B3GALT1: variants seen among roughly 807,000 people sequenced by gnomAD.
B3GALT1 encodes the protein beta-1,3-galactosyltransferase 1, also known as UDP-Gal:betaGlcNAc beta 1,3-galactosyltransferase, polypeptide 1.
B3GALT1 carries 10 observed loss-of-function variants against 23.2 expected under a neutral mutation model. That is an observed-to-expected ratio of 0.43 (90% CI 0.27 to 0.73). B3GALT1 has a LOEUF of 0.73. Among genes scored for constraint, B3GALT1 ranks in the 30% least tolerant of loss-of-function variants. The probability of loss-of-function intolerance (pLI) is 0.21; values close to 1 mark genes in which losing one functional copy is unlikely to be tolerated. For synonymous variants in B3GALT1, 156 were observed against 141.5 expected, an observed-to-expected ratio of 1.10 and a Z score of -0.73; for missense variants, 299 against 405.4, an observed-to-expected ratio of 0.74 and a Z score of 2.25.
chr2:167,699,894 G>A (rs62194982), intron 3 of B3GALT1, among the ~76,000 whole-genome samples: 14,184 of 152,028 alleles, frequency 0.093, 951 homozygotes, highest in East Asian at 0.26. Context: ...TGCATTTTTA[G>A]TGGAGACGGG....
intron 3 of B3GALT1, among the ~76,000 whole-genome samples, chr2:167,681,729 T>C (rs769613555): frequency 1.3e-5 from 2 of 152,214 alleles, no homozygotes; most frequent in African/African-American, 4.8e-5. Context: ...CCCATATATG[T>C]AGGGCCTATT....
intron 2 of B3GALT1, among the ~76,000 whole-genome samples, chr2:167,547,462 C>T (rs986960266): frequency 6.6e-6 from 1 of 152,028 alleles, no homozygotes; most frequent in Non-Finnish European, 1.5e-5. Flanking sequence ...TTTGGGAGGT[C>T]AAGGAGAGCG....
intron 2 of B3GALT1, among the ~76,000 whole-genome samples, chr2:167,583,253 C>A (rs1168694290): frequency 6.6e-6 from 1 of 152,132 alleles, no homozygotes; most frequent in African/African-American, 2.4e-5. Flanking sequence ...CCTTGGATGC[C>A]AGGGGCAGAC....
chr2:167,472,421 T>G (rs1175949586), intron 1 of B3GALT1, among the ~76,000 whole-genome samples: 5 of 152,092 alleles, frequency 3.3e-5, no homozygotes, highest in Admixed American at 3.3e-4. Context: ...ACCAACACCT[T>G]CCCAATTCAT....
chr2:167,346,125 T>C (rs1388700670), intron 1 of B3GALT1, among the ~76,000 whole-genome samples: 1 of 151,936 alleles, frequency 6.6e-6, no homozygotes, highest in African/African-American at 2.4e-5. Flanking sequence ...TTTTACACTT[T>C]TTTCCTAGCA....
At chr2:167,428,222 T>C (rs914163459) in intron 1 of B3GALT1, among the ~76,000 whole-genome samples, 3 of 152,204 alleles carry the variant, frequency 2.0e-5, no homozygotes, top group African/African-American at 7.2e-5. Context: ...TTAAACAGGA[T>C]CTTACCTAAC....
chr2:167,328,203 T>C (rs1696925246), intron 1 of B3GALT1, among the ~76,000 whole-genome samples: 1 of 152,194 alleles, frequency 6.6e-6, no homozygotes, highest in Non-Finnish European at 1.5e-5. Flanking sequence ...TGCCATTGTC[T>C]GGATTTGGTA....
At chr2:167,339,528 T>A (rs1697115456) in intron 1 of B3GALT1, among the ~76,000 whole-genome samples, 1 of 152,140 alleles carries the variant, frequency 6.6e-6, no homozygotes, top group Admixed American at 6.6e-5. Flanking sequence ...CCTTCAATTT[T>A]ACTTGAAGTA....
intron 2 of B3GALT1, among the ~76,000 whole-genome samples, chr2:167,557,451 GTGTT>G (rs1683874556): frequency 6.6e-6 from 1 of 152,172 alleles, no homozygotes; most frequent in Admixed American, 6.5e-5. Flanking sequence ...AATATCTAAA[GTGTT>G]TGGCTCTCAA....
intron 2 of B3GALT1, among the ~76,000 whole-genome samples, chr2:167,606,382 C>G (rs1279537629): frequency 6.6e-6 from 1 of 152,184 alleles, no homozygotes; most frequent in Admixed American, 6.5e-5. Context: ...ACATCTAACA[C>G]TTTAAGTCTC....
At chr2:167,664,758 C>T (rs953785032) in intron 3 of B3GALT1, among the ~76,000 whole-genome samples, 25 of 151,922 alleles carry the variant, frequency 1.6e-4, no homozygotes, top group Admixed American at 1.6e-3. Context: ...ATTTGGCTCT[C>T]TGTTTGTCTG....
chr2:167,533,805 A>T (rs1683370685), intron 2 of B3GALT1, among the ~76,000 whole-genome samples: 1 of 152,184 alleles, frequency 6.6e-6, no homozygotes, highest in Non-Finnish European at 1.5e-5. Context: ...TTCCTCCTGG[A>T]GTACATCCTT....
At chr2:167,626,220 A>T (rs1338213904) in intron 2 of B3GALT1, among the ~76,000 whole-genome samples, 1 of 151,406 alleles carries the variant, frequency 6.6e-6, no homozygotes, top group East Asian at 1.9e-4. Flanking sequence ...AAGATTTTTT[A>T]AATTTTAAAT....
At chr2:167,389,777 T>C (rs1574059852) in intron 1 of B3GALT1, among the ~76,000 whole-genome samples, 1 of 150,914 alleles carries the variant, frequency 6.6e-6, no homozygotes, top group Non-Finnish European at 1.5e-5. Context: ...CCGGGCAGGG[T>C]GTCTCATGCC....
intron 1 of B3GALT1, among the ~76,000 whole-genome samples, chr2:167,314,949 GGCTCA>G (rs1182883803): frequency 6.6e-6 from 1 of 152,078 alleles, no homozygotes; most frequent in Non-Finnish European, 1.5e-5. Flanking sequence ...GCTGTTTCAT[GGCTCA>G]GCTCAATGTG....
chr2:167,616,809 T>A (rs962048892), intron 2 of B3GALT1, among the ~76,000 whole-genome samples: 5 of 152,136 alleles, frequency 3.3e-5, no homozygotes, highest in African/African-American at 1.2e-4. Flanking sequence ...TCTGGGTTAT[T>A]TGAAATTAGG....
intron 2 of B3GALT1, among the ~76,000 whole-genome samples, chr2:167,553,966 G>T (rs1365648678): frequency 1.3e-5 from 2 of 152,076 alleles, no homozygotes; most frequent in African/African-American, 4.8e-5. Context: ...AAAAAAATAA[G>T]GCACCCATCA....
chr2:167,307,998 A>G (rs1426884184), intron 1 of B3GALT1, among the ~76,000 whole-genome samples: 6 of 152,144 alleles, frequency 3.9e-5, no homozygotes, highest in South Asian at 2.1e-4. Context: ...AATTTAGTAA[A>G]TGGGAAAATA....
intron 1 of B3GALT1, among the ~76,000 whole-genome samples, chr2:167,471,480 T>C (rs1259660961): frequency 6.6e-6 from 1 of 152,120 alleles, no homozygotes; most frequent in African/African-American, 2.4e-5. Context: ...GAAACTGAGA[T>C]TTTGGCAGCT....
Sources: allele counts gnomAD v4.1 joint callset (sites outside exome capture counted in the v4.1 genomes callset), GRCh38; gene constraint gnomAD v4.1.1; transcripts MANE v1.5; gene names NCBI Gene and HGNC (gene_info 2026-07-23, HGNC 2026-07-21).